The following TMEM30A variants were observed in gnomAD, a reference collection of about 807,000 sequenced individuals.
TMEM30A encodes cell cycle control protein 50A.
Under a neutral mutation model 38.2 loss-of-function variants are expected in TMEM30A, and 24 were observed. The observed-to-expected ratio is 0.63, with a 90% CI of 0.46 to 0.88. The LOEUF (loss-of-function observed/expected upper bound fraction) is 0.88. Ranked by LOEUF, TMEM30A falls within the 40% of genes least tolerant of loss-of-function variation. The pLI is 0.00. For missense variants in TMEM30A, 370 were observed against 458.6 expected (o/e 0.81, Z 1.77); for synonymous variants, 145 against 161.6 (o/e 0.90, Z 0.78).
intron 5 of TMEM30A, 129 bp downstream of exon 5, chr6:75,259,218 G>A: frequency 2.0e-6 from 2 of 1,013,590 alleles, no homozygotes; most frequent in South Asian, 1.7e-5. Flanking sequence ...TACCTAACTT[G>A]GTATGAAGCT....
chr6:75,259,223 G>T, intron 5 of TMEM30A, 124 bp downstream of exon 5: 1 of 1,072,290 alleles, frequency 9.3e-7, no homozygotes, highest in Non-Finnish European at 1.3e-6. Context: ...AACTTGGTAT[G>T]AAGCTGAGGA....
intron 1 of TMEM30A, among the ~76,000 whole-genome samples, chr6:75,283,307 ATG>A (rs10545744): frequency 0.8 from 118,949 of 148,442 alleles, 48,170 homozygotes; most frequent in East Asian, 0.97. Flanking sequence ...ATTTATTAAA[ATG>A]TGTGTGTGTG....
chr6:75,253,571 T>C lies in TMEM30A; in HGVS notation c.*2531A>G, dbSNP rs1315334430. On this transcript the variant is annotated 3_prime_UTR_variant, in exon 7 of 7. Coordinates refer to ENST00000230461, the MANE Select transcript of TMEM30A (RefSeq NM_018247.4). ...TAGTGCTAAATGTAAGCAACAACAC[T>C]GGAGCATTGTTATTTTATCAAGACA... 1 of 152,604 alleles carries C rather than the reference T, an allele frequency of 6.6e-6. No individual in the cohort carries two copies. Among genetic ancestry groups the C allele is most frequent in the Non-Finnish European group, 1.5e-5 (1 of 68,020 alleles). 9.5% of individuals were successfully genotyped at this position (152,604 alleles called of 1,614,324 possible). A position where few individuals can be genotyped will look rare whatever the true frequency, so the allele number is the denominator to read the frequency against.
chr6:75,267,869 A>G, intron 1 of TMEM30A, 121 bp from the exon 2 acceptor site: 1 of 553,184 alleles, frequency 1.8e-6, no homozygotes, highest in Admixed American at 3.7e-5. Flanking sequence ...GCTCAGACAA[A>G]AACTGTTTTT....
chr6:75,256,596 A>C (rs1771871811), intron 6 of TMEM30A, among the ~76,000 whole-genome samples: 1 of 152,140 alleles, frequency 6.6e-6, no homozygotes, highest in Non-Finnish European at 1.5e-5. Flanking sequence ...AAAGGCCTCA[A>C]AGGAATGCAA....
At position 75,258,983 on chromosome 6, in the gene TMEM30A, G is replaced by T. The variant is rs1422871633; in HGVS notation, c.689C>A (p.Thr230Lys). 2 of 1,612,780 alleles carry T rather than the reference G, an allele frequency of 1.2e-6. No homozygotes were observed. Among genetic ancestry groups the T allele is most frequent in the Non-Finnish European group, 1.7e-6 (2 of 1,179,742 alleles). ...TTTAAGCCAGTTCACAGGCTTTGTT[G>T]TACCTTAAAAGGAGTGGGGAGGGGA... is the stretch of plus-strand genomic sequence containing the variant. ...GDNLEERFKG[T>K]TKPVNWLKPV... Residue 230 changes from threonine to lysine, a missense_variant, in exon 6 of 7, where the codon ACA (threonine) becomes AAA (lysine). Physicochemically the swap from Thr to Lys is moderately conservative, Grantham distance 78 (BLOSUM62 -1). Coordinates refer to ENST00000230461, the MANE Select transcript of TMEM30A (RefSeq NM_018247.4).
chr6:75,260,177 G>A (rs964413545), intron 4 of TMEM30A, among the ~76,000 whole-genome samples: 8 of 152,042 alleles, frequency 5.3e-5, no homozygotes, highest in Non-Finnish European at 8.8e-5. Context: ...AGGCCGAAGT[G>A]GGCGGATCAC....
chr6:75,255,825 T>C lies in TMEM30A; in HGVS notation c.*277A>G. On this transcript the variant is annotated 3_prime_UTR_variant, in exon 7 of 7. Transcript: ENST00000230461. Reference sequence around the variant, plus strand: ...CACAAGTCACATGAAAGAGGCTCTATGCATCATGTGGCCTGTCCGAATAAA... The same window carrying C: ...CACAAGTCACATGAAAGAGGCTCTACGCATCATGTGGCCTGTCCGAATAAA... The C allele has an allele frequency of 3.5e-6, 1 of 285,948 alleles. No individual in the cohort carries two copies. 17.7% of individuals were successfully genotyped at this position (285,948 alleles called of 1,614,324 possible). A position where few individuals can be genotyped will look rare whatever the true frequency, so the allele number is the denominator to read the frequency against.
chr6:75,282,119 G>T (rs551393938), intron 1 of TMEM30A, among the ~76,000 whole-genome samples: 1 of 152,278 alleles, frequency 6.6e-6, no homozygotes, highest in East Asian at 1.9e-4. Flanking sequence ...GAATTTTAGA[G>T]TTGAACAACC....
chr6:75,267,525 C>A, intron 2 of TMEM30A, 116 bp downstream of exon 2: 1 of 630,854 alleles, frequency 1.6e-6, no homozygotes, highest in Non-Finnish European at 2.5e-6. Flanking sequence ...CCTATAAACT[C>A]CAGTAAATTA....
chr6:75,284,659 C>T lies in TMEM30A; in HGVS notation c.-21G>A. On this transcript the variant is annotated 5_prime_UTR_variant, in exon 1 of 7. Coordinates refer to ENST00000230461, the MANE Select transcript of TMEM30A (RefSeq NM_018247.4). ...GCCATCGATCCCTGGGGCGCCGCTCCGCGATTTGCAGGTGGACCACCCAGG... is the reference window on the plus strand; with the variant it reads ...GCCATCGATCCCTGGGGCGCCGCTCTGCGATTTGCAGGTGGACCACCCAGG... 2.5e-6 allele frequency: 4 copies of T among 1,610,208 alleles called. No homozygotes were observed. The highest frequency in any genetic ancestry group is 3.4e-6 in the Non-Finnish European group (4 of 1,179,552).
chr6:75,271,331 C>T (rs1042531404), intron 1 of TMEM30A, among the ~76,000 whole-genome samples: 1 of 151,984 alleles, frequency 6.6e-6, no homozygotes, highest in Non-Finnish European at 1.5e-5. Context: ...AACAATATAA[C>T]ATTTTATTGG....
rs1269821173 is a variant in TMEM30A, at chr6:75,254,643, G to C, written c.*1459C>G. The stretch of plus-strand genomic sequence containing the variant: ...ATTAATCAAAAGTATACATTACCCA[G>C]ACCTTTTGATTTAAAATATAACTGA... On this transcript the variant is annotated 3_prime_UTR_variant, in exon 7 of 7. Transcript: ENST00000230461. The C allele has an allele frequency of 6.6e-6, 1 of 151,658 alleles. No homozygotes were observed. Among genetic ancestry groups the C allele is most frequent in the Non-Finnish European group, 1.5e-5 (1 of 67,904 alleles). 9.4% of individuals were successfully genotyped at this position (151,658 alleles called of 1,614,324 possible).
At chr6:75,276,376 C>T (rs1013493415) in intron 1 of TMEM30A, among the ~76,000 whole-genome samples, 4 of 152,218 alleles carry the variant, frequency 2.6e-5, no homozygotes, top group Non-Finnish European at 5.9e-5. Flanking sequence ...AGGTCGCAGC[C>T]TGGGACTTAC....
In TMEM30A at chr6:75,259,536, T is replaced by G. The variant is rs199925986; in HGVS notation, c.542-46A>C. 320 of 1,513,954 alleles carry G rather than the reference T, an allele frequency of 2.1e-4. 2 individuals are homozygous for G. The highest frequency in any genetic ancestry group is 2.7e-4 in the Non-Finnish European group (307 of 1,124,940). The allele number at this position is 1,513,954 out of a possible 1,614,324, so 93.8% of individuals were successfully genotyped here. ...ACATTACTAACTATCTCTTGAAAAC[T>G]CATAGCATCTGCTTAACTCTATGAG... On this transcript the variant is annotated intron_variant, in intron 4 of 6. Transcript: ENST00000230461.
intron 1 of TMEM30A, among the ~76,000 whole-genome samples, chr6:75,276,130 C>T (rs1772255558): frequency 6.6e-6 from 1 of 152,320 alleles, no homozygotes; most frequent in East Asian, 1.9e-4. Context: ...CATGGAAGTG[C>T]CTGAAGTGTG....
At chr6:75,278,855 T>C (rs1772307955) in intron 1 of TMEM30A, among the ~76,000 whole-genome samples, 1 of 152,186 alleles carries the variant, frequency 6.6e-6, no homozygotes, top group Admixed American at 6.5e-5. Context: ...ACTAGATCGT[T>C]GTTCATATTA....
At chr6:75,264,543 G>GGT (rs1772030776) in intron 3 of TMEM30A, among the ~76,000 whole-genome samples, 1 of 151,694 alleles carries the variant, frequency 6.6e-6, no homozygotes, top group Non-Finnish European at 1.5e-5. Context: ...GACTGAGGCA[G>GGT]GAGAATCACT....
rs1772274515 is a variant in TMEM30A at position 75,277,098 on chromosome 6, A to G, written c.237+7304T>C. Among the ~76,000 whole-genome samples, 8 of 152,276 alleles carry G rather than the reference A, an allele frequency of 5.3e-5. No individual in the cohort carries two copies. The South Asian group carries it at 1.7e-3, about 32-fold the overall frequency. On this transcript the variant is annotated intron_variant, in intron 1 of 6. Coordinates refer to ENST00000230461, the MANE Select transcript of TMEM30A (RefSeq NM_018247.4). ...TCTTCATAGGATTTTTTACCATTTAACATACTTCAAATGCAGCAAATTAAG... is the reference window on the plus strand; with the variant it reads ...TCTTCATAGGATTTTTTACCATTTAGCATACTTCAAATGCAGCAAATTAAG...
Sources: gnomAD v4.1 joint callset for allele counts (sites outside exome capture counted in the v4.1 genomes callset) on GRCh38, gnomAD v4.1.1 for gene constraint, MANE v1.5 for transcripts, NCBI Gene and HGNC (gene_info 2026-07-23, HGNC 2026-07-21) for gene names.